The following GAS7 variants were observed in gnomAD, a reference collection of about 807,000 sequenced individuals.
GAS7 encodes the protein growth arrest specific 7.
Under a neutral mutation model 71.1 loss-of-function variants are expected in GAS7, and 28 were observed. The ratio of observed to expected loss-of-function variants is 0.39; its 90% CI spans 0.29 to 0.54. The LOEUF is 0.54. Ranked by LOEUF, GAS7 falls within the 20% of genes least tolerant of loss-of-function variation. The pLI is 0.62. For missense variants in GAS7, 436 were observed against 627.8 expected (o/e 0.69, Z 3.27); for synonymous variants, 258 against 245.8 (o/e 1.05, Z -0.46).
intron 7 of GAS7, 64 bp downstream of exon 7, chr17:9,943,057 C>CGGCCACGG (rs1030975049): frequency 2.8e-6 from 3 of 1,064,902 alleles, no homozygotes; most frequent in African/African-American, 3.1e-5. Context: ...CGCCCCGCCC[C>CGGCCACGG]GGCCACGGGG....
At chr17:9,968,395 T>G (rs2069812147) in intron 4 of GAS7, among the ~76,000 whole-genome samples, 1 of 152,170 alleles carries the variant, frequency 6.6e-6, no homozygotes, top group Admixed American at 6.5e-5. Flanking sequence ...ACCCTAGATC[T>G]CCTGGATTAG....
At chr17:9,958,992 AGGAGAGAAGTG>A (rs1289367547) in intron 5 of GAS7, 199 bp downstream of exon 5, 19 of 1,417,162 alleles carry the variant, frequency 1.3e-5, no homozygotes, top group Admixed American at 5.9e-5. Context: ...CTTGTTCACC[AGGAGAGAAGTG>A]AAATGTGAAA....
rs570715110 is a variant in GAS7 at position 9,919,158 on chromosome 17, G to A, written c.1218+468C>T. Among the ~76,000 whole-genome samples the A allele has an allele frequency of 1.5e-3, 212 of 139,768 alleles. 2 individuals are homozygous for A. Among genetic ancestry groups the A allele is most frequent in the Non-Finnish European group, 6.6e-4 (41 of 62,476 alleles). 91.7% of individuals were successfully genotyped at this position (139,768 alleles called of 152,430 possible). Reference sequence around the variant, plus strand: ...AAGAGCATCATCGGCCCTGCCGCCTGTTGTTCACCCTTGGTGAGAGGCCTC... The same window carrying A: ...AAGAGCATCATCGGCCCTGCCGCCTATTGTTCACCCTTGGTGAGAGGCCTC... On this transcript the variant is annotated intron_variant, in intron 12 of 13. Transcript: ENST00000432992. The surrounding 1 kb of genome is among the most constrained non-coding windows in gnomAD (Gnocchi z 5.0).
chr17:10,166,001 TTTTC>T (rs1297805384), intron 1 of GAS7, among the ~76,000 whole-genome samples: 2 of 126,940 alleles, frequency 1.6e-5, no homozygotes, highest in Non-Finnish European at 3.4e-5. Context: ...CTGGCTTTCT[TTTTC>T]TTTTTCTTTT....
At chr17:9,940,341 C>T in intron 7 of GAS7, 141 bp from the exon 8 acceptor site, 1 of 711,254 alleles carries the variant, frequency 1.4e-6, no homozygotes, top group Non-Finnish European at 2.6e-6. Flanking sequence ...GTCTGTCTAC[C>T]TGACATGCAG....
rs2067512037 is a variant in GAS7, at chr17:9,914,019, AAAC to A, written c.*3206_*3208del. 2 of 230,454 alleles carry A rather than the reference AAAC, an allele frequency of 8.7e-6. No individual in the cohort carries two copies. The highest frequency in any genetic ancestry group is 1.7e-5 in the Non-Finnish European group (2 of 116,420). 14.3% of individuals were successfully genotyped at this position (230,454 alleles called of 1,614,324 possible). On this transcript the variant is annotated 3_prime_UTR_variant, in exon 14 of 14. Transcript: ENST00000432992. ...CACCTAAGCACCAAGACATAAAACA[AAAC>A]AACAACCCGGATAGCGTGCTTGCCT...
At chr17:10,188,530 T>A (rs1197806329) in intron 1 of GAS7, among the ~76,000 whole-genome samples, 1 of 152,228 alleles carries the variant, frequency 6.6e-6, no homozygotes, top group Non-Finnish European at 1.5e-5. Flanking sequence ...AATACCATTT[T>A]TTTTTTACAT....
rs748419631 is a variant in GAS7, at chr17:9,926,760, C to T, written c.895G>A (p.Glu299Lys). Residue 299 changes from glutamate to lysine, a missense_variant, in exon 10 of 14, where the codon GAG becomes AAG. Glu to Lys is a moderately conservative substitution (Grantham distance 56). Coordinates refer to ENST00000432992, the MANE Select transcript of GAS7 (RefSeq NM_201433.2). The surrounding 1 kb of genome is among the most constrained non-coding windows in gnomAD (Gnocchi z 5.0). ...AAGTTCATCAGGGGCTTCTCCACCT[C>T]GCTGTGAAGCTGTTGGGAGAGTAGA... ...HLKFSAKLHS[E>K]VEKPLMNFRE... 1.4e-5 allele frequency: 22 copies of T among 1,613,922 alleles called. 1 individual carries two copies. Among genetic ancestry groups the T allele is most frequent in the Admixed American group, 8.3e-5 (5 of 60,006 alleles).
At chr17:10,101,911 G>C (rs978833956) in intron 1 of GAS7, among the ~76,000 whole-genome samples, 1 of 152,064 alleles carries the variant, frequency 6.6e-6, no homozygotes, top group African/African-American at 2.4e-5. Context: ...ATGGGGCCCT[G>C]CCCTCTGCCT....
intron 1 of GAS7, among the ~76,000 whole-genome samples, chr17:10,174,595 G>A (rs1349846802): frequency 6.6e-6 from 1 of 152,082 alleles, no homozygotes; most frequent in East Asian, 1.9e-4. Context: ...GGGAGGCCGA[G>A]GCAGGAGAAT....
chr17:9,950,595 C>A (rs2068965238), intron 5 of GAS7, among the ~76,000 whole-genome samples: 1 of 152,152 alleles, frequency 6.6e-6, no homozygotes, highest in South Asian at 2.1e-4. Context: ...TGGTGGCTCA[C>A]GCCTGTAATC....
intron 1 of GAS7, among the ~76,000 whole-genome samples, chr17:10,073,319 C>T (rs1395854211): frequency 2.6e-5 from 4 of 152,282 alleles, no homozygotes; most frequent in Non-Finnish European, 4.4e-5. Flanking sequence ...AGGCCTGTTT[C>T]GGGATGCACA....
In GAS7 at chr17:9,912,071, C is replaced by T. The variant is rs892250429; in HGVS notation, c.*5157G>A. The T allele has an allele frequency of 4.3e-6, 1 of 232,042 alleles. No homozygotes were observed. The highest frequency in any genetic ancestry group is 5.6e-5 in the Admixed American group (1 of 17,724). The allele number at this position is 232,042 out of a possible 1,614,324, so 14.4% of individuals were successfully genotyped here. ...TGTCCTGGCTCCTGGGGAGTAGACT[C>T]CAGAACATACTATCAAAGATCGACG... is the stretch of plus-strand genomic sequence containing the variant. On this transcript the variant is annotated 3_prime_UTR_variant, in exon 14 of 14. Transcript: ENST00000432992.
At chr17:10,125,942 G>A (rs891934094) in intron 1 of GAS7, among the ~76,000 whole-genome samples, 3 of 152,174 alleles carry the variant, frequency 2.0e-5, no homozygotes, top group African/African-American at 7.2e-5. Flanking sequence ...CAGAGCCAGA[G>A]AGAGCTGGAC....
chr17:10,097,831 G>C (rs1366453891), intron 1 of GAS7, among the ~76,000 whole-genome samples: 1 of 152,118 alleles, frequency 6.6e-6, no homozygotes, highest in East Asian at 1.9e-4. Flanking sequence ...ATCACCTGAA[G>C]TCAGGAGTTC....
intron 1 of GAS7, among the ~76,000 whole-genome samples, chr17:10,124,589 G>T (rs974387510): frequency 1.3e-5 from 2 of 152,194 alleles, no homozygotes; most frequent in Non-Finnish European, 2.9e-5. Flanking sequence ...TGGGGCACTG[G>T]ATATTCTCAA....
chr17:10,162,279 A>C (rs1387974904), intron 1 of GAS7, among the ~76,000 whole-genome samples: 1 of 152,162 alleles, frequency 6.6e-6, no homozygotes, highest in Non-Finnish European at 1.5e-5. Flanking sequence ...GTCTGTGCTG[A>C]GAAGCTGGGC....
Position 10,103,817 on chromosome 17 carries a change from C to G in GAS7, c.184-83920G>C, listed in dbSNP as rs1211585511. Among the ~76,000 whole-genome samples the G allele has an allele frequency of 6.6e-6, 1 of 150,434 alleles. No homozygotes were observed. Among genetic ancestry groups the G allele is most frequent in the Non-Finnish European group, 1.5e-5 (1 of 67,684 alleles). On this transcript the variant is annotated intron_variant, in intron 1 of 13. Transcript: ENST00000432992. This position sits in a 1 kb window ranked among gnomAD's most constrained non-coding sequence, Gnocchi z 5.5. ...CTCCAGCCTGGGTGACACAGCAAGA[C>G]TGCATCTCAAAAAATCTCAAAAAAA... is the stretch of plus-strand genomic sequence containing the variant.
intron 9 of GAS7, among the ~76,000 whole-genome samples, chr17:9,928,182 G>A (rs1360641474): frequency 2.0e-5 from 3 of 151,594 alleles, no homozygotes; most frequent in Admixed American, 1.3e-4. Context: ...ACGCGATCTC[G>A]GCTCACTGCA....
Sources: allele counts gnomAD v4.1 joint callset (sites outside exome capture counted in the v4.1 genomes callset), GRCh38; gene constraint gnomAD v4.1.1; non-coding constraint Gnocchi (gnomAD v3.1); transcripts MANE v1.5; gene names NCBI Gene and HGNC (gene_info 2026-07-23, HGNC 2026-07-21).